The following TRAF3 variants were observed in gnomAD, a reference collection of about 807,000 sequenced individuals.
TRAF3 encodes TNF receptor-associated factor 3.
TRAF3 carries 13 observed loss-of-function variants against 62.3 expected under a neutral mutation model. The observed-to-expected ratio is 0.21, with a 90% CI of 0.14 to 0.33. The LOEUF (loss-of-function observed/expected upper bound fraction) is 0.33. Ranked by LOEUF, TRAF3 falls within the 10% of genes least tolerant of loss-of-function variation. TRAF3 has a pLI of 1.00. For missense variants in TRAF3, 440 were observed against 741.8 expected (o/e 0.59, Z 4.73); for synonymous variants, 269 against 283.4 (o/e 0.95, Z 0.51).
intron 2 of TRAF3, among the ~76,000 whole-genome samples, chr14:102,864,147 CTTTTTTT>C (rs1022782387): frequency 1.3e-3 from 179 of 133,952 alleles, no homozygotes; most frequent in African/African-American, 3.7e-3. Flanking sequence ...TTGCCTTTTT[CTTTTTTT>C]TTTTTTTTTT....
intron 1 of TRAF3, among the ~76,000 whole-genome samples, chr14:102,821,730 C>T (rs1687404887): frequency 6.6e-6 from 1 of 152,102 alleles, no homozygotes; most frequent in Non-Finnish European, 1.5e-5. Flanking sequence ...TGTCCGTTTC[C>T]AAGTGTGGCC....
At chr14:102,828,619 C>T (rs892574597) in intron 1 of TRAF3, among the ~76,000 whole-genome samples, 2 of 152,146 alleles carry the variant, frequency 1.3e-5, no homozygotes, top group African/African-American at 4.8e-5. Flanking sequence ...ACAGATCATG[C>T]ATATATGTAT....
At chr14:102,824,420 T>C (rs1373650036) in intron 1 of TRAF3, among the ~76,000 whole-genome samples, 4 of 152,238 alleles carry the variant, frequency 2.6e-5, no homozygotes, top group Non-Finnish European at 5.9e-5. Flanking sequence ...GTGTATTTTA[T>C]ATTATTTTTC....
At chr14:102,905,099 G>T (rs925648921) in intron 11 of TRAF3, 114 bp from the exon 12 acceptor site, 2 of 1,127,260 alleles carry the variant, frequency 1.8e-6, no homozygotes, top group African/African-American at 3.1e-5. Flanking sequence ...GCAACAGAGC[G>T]AGACTCCGTC....
chr14:102,809,680 G>A (rs1206596097), intron 1 of TRAF3, among the ~76,000 whole-genome samples: 1 of 151,466 alleles, frequency 6.6e-6, no homozygotes, highest in African/African-American at 2.4e-5. Context: ...ACAGGCGCTC[G>A]CCACCACACC....
chr14:102,785,958 C>T (rs1048821599), intron 1 of TRAF3, among the ~76,000 whole-genome samples: 3 of 152,112 alleles, frequency 2.0e-5, no homozygotes, highest in Non-Finnish European at 4.4e-5. Flanking sequence ...CCTGCCTTCT[C>T]CAGGTTGAAG....
At chr14:102,860,257 G>A (rs966202032) in intron 2 of TRAF3, among the ~76,000 whole-genome samples, 7 of 152,154 alleles carry the variant, frequency 4.6e-5, no homozygotes, top group Non-Finnish European at 8.8e-5. Flanking sequence ...CTCTCATAAT[G>A]TGAAGTAATT....
chr14:102,846,933 C>T (rs567586167), intron 2 of TRAF3, among the ~76,000 whole-genome samples: 2 of 152,242 alleles, frequency 1.3e-5, no homozygotes, highest in South Asian at 2.1e-4. Flanking sequence ...TGCTCCATCC[C>T]TTGGTGGTAG....
intron 2 of TRAF3, among the ~76,000 whole-genome samples, chr14:102,837,916 G>C (rs56951956): frequency 6.6e-6 from 1 of 152,196 alleles, no homozygotes; most frequent in Non-Finnish European, 1.5e-5. Context: ...CTGGCCAGCA[G>C]AGTTGGAGCA....
At chr14:102,817,492 G>A (rs1233978768) in intron 1 of TRAF3, among the ~76,000 whole-genome samples, 1 of 152,152 alleles carries the variant, frequency 6.6e-6, no homozygotes, top group Admixed American at 6.5e-5. Context: ...GAGGGCCTGG[G>A]ATCCAGTGCC....
rs139710242 is a variant in TRAF3, at chr14:102,789,594, A to ATATGTGTG, written c.-157+11920_-157+11921insATGTGTGT. Among the ~76,000 whole-genome samples the ATATGTGTG allele has an allele frequency of 5.1e-3, 755 of 148,776 alleles. 4 individuals are homozygous for ATATGTGTG. Among genetic ancestry groups the ATATGTGTG allele is most frequent in the Admixed American group, 8.9e-3 (132 of 14,862 alleles). ...ACACTTATGAACTACAAAAGGATAT[A>ATATGTGTG]TGTGTGTGTGTGTGTGTGTGTGTGT... is the stretch of plus-strand genomic sequence containing the variant. On this transcript the variant is annotated intron_variant, in intron 1 of 11. Transcript: ENST00000392745.
rs576050742 is a variant in TRAF3 at position 102,887,841 on chromosome 14, C to T, written c.651+1572C>T. ...CCGTCTCCTGACCTCGTGATTTGCC[C>T]GCCTCGGCCTCCTAAGGTGCTAGGA... On this transcript the variant is annotated intron_variant, in intron 7 of 11. Transcript: ENST00000392745. 3.3e-5 allele frequency among the ~76,000 whole-genome samples: 5 copies of T among 152,042 alleles called. No individual in the cohort carries two copies. The South Asian group carries it at 6.2e-4, about 19-fold the overall frequency.
Position 102,903,562 on chromosome 14 carries a change from C to G in TRAF3, c.1135+133C>G. 1 of 1,281,432 alleles carries G rather than the reference C, an allele frequency of 7.8e-7. No individual in the cohort carries two copies. Among genetic ancestry groups the G allele is most frequent in the Non-Finnish European group, 1.1e-6 (1 of 909,756 alleles). 79.4% of individuals were successfully genotyped at this position (1,281,432 alleles called of 1,614,324 possible). On this transcript the variant is annotated intron_variant, in intron 11 of 11. Coordinates refer to ENST00000392745, the MANE Select transcript of TRAF3 (RefSeq NM_145725.3). The surrounding 1 kb of genome is among the most constrained non-coding windows in gnomAD (Gnocchi z 6.4). The stretch of plus-strand genomic sequence containing the variant: ...CAGTTTTTTCTAATTATGGGTAACA[C>G]GCAGAGGTGTGATGACTTTCCTACT...
At chr14:102,806,778 G>T (rs770736451) in intron 1 of TRAF3, among the ~76,000 whole-genome samples, 1 of 152,280 alleles carries the variant, frequency 6.6e-6, no homozygotes, top group African/African-American at 2.4e-5. Context: ...GCTTCATACA[G>T]CTGGTCTCAG....
chr14:102,879,012 C>G (rs1260955113), intron 6 of TRAF3, among the ~76,000 whole-genome samples: 1 of 151,886 alleles, frequency 6.6e-6, no homozygotes, highest in Non-Finnish European at 1.5e-5. Context: ...CGAGGGGGTG[C>G]CCAGTGAGTG....
At chr14:102,892,873 G>A (rs1889800295) in intron 9 of TRAF3, among the ~76,000 whole-genome samples, 1 of 152,260 alleles carries the variant, frequency 6.6e-6, no homozygotes, top group Non-Finnish European at 1.5e-5. Flanking sequence ...CTGATGAGCA[G>A]CAGTGCCGGA....
At chr14:102,800,237 C>A (rs1160975128) in intron 1 of TRAF3, among the ~76,000 whole-genome samples, 5 of 152,300 alleles carry the variant, frequency 3.3e-5, no homozygotes, top group Admixed American at 1.3e-4. Context: ...GCCTCTGGTC[C>A]AGTGGAAGCA....
At chr14:102,825,651 G>T (rs1326636083) in intron 1 of TRAF3, among the ~76,000 whole-genome samples, 1 of 152,252 alleles carries the variant, frequency 6.6e-6, no homozygotes, top group Non-Finnish European at 1.5e-5. Flanking sequence ...AGGACGGACA[G>T]ATCAATGGGG....
chr14:102,777,860 C>A (rs1897088243), intron 1 of TRAF3, among the ~76,000 whole-genome samples, 185 bp downstream of exon 1: 1 of 147,560 alleles, frequency 6.8e-6, no homozygotes, highest in African/African-American at 2.5e-5. Flanking sequence ...AGCCTGGCCC[C>A]GCGCCCCAGC....
Sources: gnomAD v4.1 joint callset for allele counts (sites outside exome capture counted in the v4.1 genomes callset) on GRCh38, gnomAD v4.1.1 for gene constraint, Gnocchi (gnomAD v3.1) non-coding constraint, MANE v1.5 for transcripts, NCBI Gene and HGNC (gene_info 2026-07-23, HGNC 2026-07-21) for gene names.